Variants in GALNT13 observed in about 807,000 individuals in gnomAD.
GALNT13 encodes polypeptide N-acetylgalactosaminyltransferase 13, also known as UDP-GalNAc:polypeptide N-acetylgalactosaminyltransferase 13.
Under a neutral mutation model 64.2 loss-of-function variants are expected in GALNT13, and 28 were observed. That is an observed-to-expected ratio of 0.44 (90% CI 0.32 to 0.60). The LOEUF is 0.60. Ranked by LOEUF, GALNT13 falls within the 20% of genes least tolerant of loss-of-function variation. The probability of loss-of-function intolerance (pLI) is 0.05; values close to 1 mark genes in which losing one functional copy is unlikely to be tolerated. For missense variants in GALNT13, 577 were observed against 669.8 expected, an observed-to-expected ratio of 0.86 and a Z score of 1.53; for synonymous variants, 214 against 224.6, an observed-to-expected ratio of 0.95 and a Z score of 0.42.
At chr2:153,790,953 T>C in the GALNT13 span, among the ~76,000 whole-genome samples, 1 of 151,930 alleles carries the variant, frequency 6.6e-6, no homozygotes. Context: ...AAATAAGAGA[T>C]GACACAAACA....
chr2:153,126,302 A>G, the GALNT13 span, among the ~76,000 whole-genome samples: 339 of 8,722 alleles, frequency 0.039, 8 homozygotes, highest in African/African-American at 0.096. Context: ...TTTTGTATAT[A>G]TATATATATA....
At chr2:154,092,995 A>G (rs1216532584) in intron 3 of GALNT13, among the ~76,000 whole-genome samples, 2 of 152,034 alleles carry the variant, frequency 1.3e-5, no homozygotes, top group African/African-American at 4.8e-5. Context: ...CAACACGTCT[A>G]CTTTGAAAGC....
intron 11 of GALNT13, chr2:154,437,945 T>C (rs903024172): frequency 9.7e-6 from 2 of 206,946 alleles, no homozygotes; most frequent in African/African-American, 4.8e-5. Context: ...AAGATTATTA[T>C]AGTTCAATTG....
the GALNT13 span, among the ~76,000 whole-genome samples, chr2:153,541,597 G>T: frequency 6.6e-6 from 1 of 152,062 alleles, no homozygotes; most frequent in Non-Finnish European, 1.5e-5. Flanking sequence ...GTAAAAACTG[G>T]TCATAAATAA....
the GALNT13 span, among the ~76,000 whole-genome samples, chr2:153,828,068 A>G: frequency 2.0e-5 from 3 of 152,202 alleles, no homozygotes; most frequent in African/African-American, 7.2e-5. Context: ...AGGTTCCCAT[A>G]GTATTGGGAA....
At chr2:153,798,922 C>G in the GALNT13 span, among the ~76,000 whole-genome samples, 2 of 152,092 alleles carry the variant, frequency 1.3e-5, no homozygotes, top group Non-Finnish European at 2.9e-5. Context: ...GGTGATGTTA[C>G]AAATGTTTGT....
chr2:153,682,061 T>C, the GALNT13 span, among the ~76,000 whole-genome samples: 40 of 151,862 alleles, frequency 2.6e-4, no homozygotes, highest in Non-Finnish European at 5.8e-4. Flanking sequence ...ACGTTCAATG[T>C]CGTGGCATAT....
chr2:153,494,921 A>T, the GALNT13 span, among the ~76,000 whole-genome samples: 1 of 152,138 alleles, frequency 6.6e-6, no homozygotes, highest in Non-Finnish European at 1.5e-5. Flanking sequence ...CTATTTGAAT[A>T]GATACTTCTT....
chr2:153,800,925 C>T, the GALNT13 span, among the ~76,000 whole-genome samples: 1 of 152,308 alleles, frequency 6.6e-6, no homozygotes, highest in African/African-American at 2.4e-5. Flanking sequence ...GCTATATATT[C>T]CAGATAACTT....
the GALNT13 span, among the ~76,000 whole-genome samples, chr2:153,080,127 CT>C: frequency 2.0e-5 from 3 of 151,970 alleles, no homozygotes; most frequent in African/African-American, 7.2e-5. Flanking sequence ...TCCCTCCACC[CT>C]TTTTTGCATT....
intron 3 of GALNT13, among the ~76,000 whole-genome samples, chr2:154,052,526 C>T (rs1256204885): frequency 6.6e-6 from 1 of 151,976 alleles, no homozygotes; most frequent in Admixed American, 6.6e-5. Context: ...CATTGAATCA[C>T]AGTTACTAAA....
the GALNT13 span, among the ~76,000 whole-genome samples, chr2:153,847,986 C>T: frequency 6.6e-6 from 1 of 152,134 alleles, no homozygotes; most frequent in African/African-American, 2.4e-5. Context: ...GCTTATGGAA[C>T]TCTGAATAAG....
At chr2:153,913,349 C>T (rs747739675) in intron 2 of GALNT13, among the ~76,000 whole-genome samples, 19 of 152,112 alleles carry the variant, frequency 1.2e-4, no homozygotes, top group Non-Finnish European at 2.8e-4. Flanking sequence ...CGTGCACACA[C>T]ATATGGTGGC....
At chr2:153,330,581 A>T in the GALNT13 span, among the ~76,000 whole-genome samples, 549 of 151,922 alleles carry the variant, frequency 3.6e-3, 3 homozygotes, top group Non-Finnish European at 5.8e-3. Flanking sequence ...CATTATTAAT[A>T]TATAGAAATG....
the GALNT13 span, among the ~76,000 whole-genome samples, chr2:153,123,696 G>A: frequency 9.9e-5 from 15 of 152,232 alleles, no homozygotes; most frequent in African/African-American, 1.4e-4. Context: ...CATTTCATCC[G>A]AAGCCTAATG....
At chr2:153,476,742 A>G in the GALNT13 span, among the ~76,000 whole-genome samples, 4 of 152,216 alleles carry the variant, frequency 2.6e-5, no homozygotes, top group Admixed American at 6.5e-5. Flanking sequence ...TGCTAGAAAA[A>G]GTAATATCAC....
intron 3 of GALNT13, among the ~76,000 whole-genome samples, chr2:154,115,347 C>T (rs1703234645): frequency 6.6e-6 from 1 of 152,012 alleles, no homozygotes; most frequent in South Asian, 2.1e-4. Flanking sequence ...TACATGTGCA[C>T]AATGTGCAGG....
chr2:154,362,442 CTCTTTT>C (rs1299772357), intron 9 of GALNT13, among the ~76,000 whole-genome samples: 1 of 151,932 alleles, frequency 6.6e-6, no homozygotes. Context: ...CTCTCTCTTT[CTCTTTT>C]TCTCTCGGAG....
At chr2:153,288,562 G>A in the GALNT13 span, among the ~76,000 whole-genome samples, 2 of 152,282 alleles carry the variant, frequency 1.3e-5, no homozygotes, top group Middle Eastern at 3.4e-3. Context: ...TCTGCTGTTA[G>A]TCACTTAGTA....
Sources: gnomAD v4.1 joint callset for allele counts (sites outside exome capture counted in the v4.1 genomes callset) on GRCh38, gnomAD v4.1.1 for gene constraint, MANE v1.5 for transcripts, NCBI Gene and HGNC (gene_info 2026-07-23, HGNC 2026-07-21) for gene names.